The following RIN3 variants were observed in gnomAD, a reference collection of about 807,000 sequenced individuals.
The protein encoded by RIN3 is Ras and Rab interactor 3, also known as RAB5 interacting protein 3.
In RIN3, 54 loss-of-function variants were observed where a neutral mutation model predicts 76.3. The observed-to-expected ratio is 0.71, with a 90% confidence interval of 0.57 to 0.89. The LOEUF is 0.89. RIN3 is among the 40% of genes least tolerant of loss of function. The pLI is 0.00. For synonymous variants in RIN3, 576 were observed against 564.0 expected (o/e 1.02, Z -0.30); for missense variants, 1,256 against 1,322.1 (o/e 0.95, Z 0.78).
At chr14:92,596,612 C>G (rs1239663861) in intron 3 of RIN3, among the ~76,000 whole-genome samples, 1 of 152,172 alleles carries the variant, frequency 6.6e-6, no homozygotes. Context: ...GTATCTTATC[C>G]GTTCCTCTTT....
rs1887267762 is a variant in RIN3 at position 92,648,069 on chromosome 14, C to A, written c.533-3513C>A. Among the ~76,000 whole-genome samples the A allele has an allele frequency of 6.7e-6, 1 of 149,716 alleles. No individual in the cohort carries two copies. Among genetic ancestry groups the A allele is most frequent in the Non-Finnish European group, 1.5e-5 (1 of 67,790 alleles). ...CCCTGGCCTTGGCGTTCTCAGGCTGCAGAGAAAGTTACTCATTTCCCTTTT... is the reference window on the plus strand; with the variant it reads ...CCCTGGCCTTGGCGTTCTCAGGCTGAAGAGAAAGTTACTCATTTCCCTTTT... On this transcript the variant is annotated intron_variant, in intron 5 of 9. Transcript: ENST00000216487. The surrounding 1 kb of genome is among the most constrained non-coding windows in gnomAD (Gnocchi z 4.1).
intron 7 of RIN3, among the ~76,000 whole-genome samples, chr14:92,667,878 G>T (rs969341590): frequency 6.9e-6 from 1 of 145,782 alleles, no homozygotes; most frequent in Non-Finnish European, 1.5e-5. Context: ...GAATGGGGGG[G>T]CATCTGAAAG....
chr14:92,611,852 T>C (rs1161348631), intron 3 of RIN3, among the ~76,000 whole-genome samples: 3 of 152,204 alleles, frequency 2.0e-5, no homozygotes, highest in Non-Finnish European at 4.4e-5. Flanking sequence ...ACTGTAGTTC[T>C]GCAGGCTGTA....
intron 2 of RIN3, among the ~76,000 whole-genome samples, chr14:92,562,423 G>A (rs1897802843): frequency 6.6e-6 from 1 of 152,162 alleles, no homozygotes; most frequent in African/African-American, 2.4e-5. Flanking sequence ...GGGGAATTAT[G>A]CTCCACCTCC....
intron 4 of RIN3, among the ~76,000 whole-genome samples, chr14:92,619,191 G>T (rs1252186599): frequency 6.6e-6 from 1 of 151,966 alleles, no homozygotes; most frequent in East Asian, 1.9e-4. Flanking sequence ...AAATAATCCT[G>T]TTTACCTCCT....
In RIN3 at chr14:92,648,954, T is replaced by C. The variant is rs902023368; in HGVS notation, c.533-2628T>C. Among the ~76,000 whole-genome samples the C allele has an allele frequency of 6.6e-6, 1 of 152,108 alleles. No homozygotes were observed. Among genetic ancestry groups the C allele is most frequent in the African/African-American group, 2.4e-5 (1 of 41,416 alleles). On this transcript the variant is annotated intron_variant, in intron 5 of 9. Coordinates refer to ENST00000216487, the MANE Select transcript of RIN3 (RefSeq NM_024832.5). The surrounding 1 kb of genome is among the most constrained non-coding windows in gnomAD (Gnocchi z 4.1). ...GGGAATAGCATTAGCCAAGACCTGC[T>C]GGTGGGGCAGCGCATGGCACGTGGA...
chr14:92,563,878 G>A (rs1897847321), intron 2 of RIN3, among the ~76,000 whole-genome samples: 2 of 152,230 alleles, frequency 1.3e-5, no homozygotes, highest in South Asian at 2.1e-4. Context: ...AGGATTTGTG[G>A]CTTGACTTTC....
intron 1 of RIN3, among the ~76,000 whole-genome samples, chr14:92,528,636 G>T (rs1896808865): frequency 6.6e-6 from 1 of 152,162 alleles, no homozygotes; most frequent in Admixed American, 6.5e-5. Context: ...CCAGCGCCAG[G>T]TCTGCCCTTG....
At chr14:92,571,742 A>G (rs1195747424) in intron 2 of RIN3, among the ~76,000 whole-genome samples, 3 of 152,198 alleles carry the variant, frequency 2.0e-5, no homozygotes, top group Non-Finnish European at 4.4e-5. Flanking sequence ...TGATAATCCG[A>G]TAGGACAACT....
At chr14:92,532,391 C>T (rs1284754000) in intron 1 of RIN3, among the ~76,000 whole-genome samples, 1 of 152,154 alleles carries the variant, frequency 6.6e-6, no homozygotes, top group Non-Finnish European at 1.5e-5. Flanking sequence ...CACAGCCACT[C>T]TTTATTGAGC....
At chr14:92,538,008 G>T (rs1012203863) in intron 1 of RIN3, among the ~76,000 whole-genome samples, 1 of 151,968 alleles carries the variant, frequency 6.6e-6, no homozygotes, top group African/African-American at 2.4e-5. Flanking sequence ...TGTATTTTTA[G>T]TAGAGACGGG....
chr14:92,577,329 C>A, intron 2 of RIN3, 31 bp from the exon 3 acceptor site: 1 of 1,508,178 alleles, frequency 6.6e-7, no homozygotes, highest in South Asian at 1.1e-5. Flanking sequence ...ATCTTTAATT[C>A]ACGGAGCTGC....
chr14:92,597,399 C>A (rs1439076354), intron 3 of RIN3, among the ~76,000 whole-genome samples: 1 of 152,164 alleles, frequency 6.6e-6, no homozygotes, highest in African/African-American at 2.4e-5. Flanking sequence ...GGACCAAAAC[C>A]CTGTCATTCA....
intron 3 of RIN3, among the ~76,000 whole-genome samples, chr14:92,596,748 C>G (rs1885160866): frequency 1.3e-5 from 2 of 152,178 alleles, no homozygotes; most frequent in Admixed American, 6.5e-5. Flanking sequence ...AGGGGGCAGG[C>G]TGGGACTAGA....
chr14:92,549,904 A>G (rs1287690130), intron 1 of RIN3, among the ~76,000 whole-genome samples: 1 of 152,166 alleles, frequency 6.6e-6, no homozygotes, highest in Non-Finnish European at 1.5e-5. Context: ...GGCTCTAACA[A>G]CACCTTTCAT....
At chr14:92,601,791 T>TGG (rs1406660128) in intron 3 of RIN3, among the ~76,000 whole-genome samples, 1 of 152,202 alleles carries the variant, frequency 6.6e-6, no homozygotes, top group Non-Finnish European at 1.5e-5. Flanking sequence ...CTCCCCAGCC[T>TGG]GGTTTCTCTT....
intron 3 of RIN3, among the ~76,000 whole-genome samples, chr14:92,592,715 G>A (rs1027210195): frequency 4.0e-5 from 6 of 149,086 alleles, no homozygotes; most frequent in Admixed American, 6.7e-5. Flanking sequence ...TTACTCTGTC[G>A]CCCAGGCTGG....
At chr14:92,522,347 A>G (rs1896623642) in intron 1 of RIN3, among the ~76,000 whole-genome samples, 1 of 150,024 alleles carries the variant, frequency 6.7e-6, no homozygotes. Context: ...TGCATGTGCT[A>G]TTGATTTTCC....
chr14:92,576,211 G>GAGACCTGCCA (rs1312800164), intron 2 of RIN3: 13 of 1,257,536 alleles, frequency 1.0e-5, no homozygotes, highest in Non-Finnish European at 1.3e-5. Flanking sequence ...TGAGCTTGCT[G>GAGACCTGCCA]AGACCTGCCA....
Sources: allele counts gnomAD v4.1 joint callset (sites outside exome capture counted in the v4.1 genomes callset), GRCh38; gene constraint gnomAD v4.1.1; non-coding constraint Gnocchi (gnomAD v3.1); transcripts MANE v1.5; gene names NCBI Gene and HGNC (gene_info 2026-07-23, HGNC 2026-07-21).